KCNH1: variants seen among roughly 807,000 people sequenced by gnomAD.
KCNH1 encodes voltage-gated delayed rectifier potassium channel KCNH1.
KCNH1 carries 27 observed loss-of-function variants against 69.2 expected under a neutral mutation model. The observed-to-expected ratio is 0.39, with a 90% CI of 0.29 to 0.54. KCNH1 has a LOEUF of 0.54. Ranked by LOEUF, KCNH1 falls within the 20% of genes least tolerant of loss-of-function variation. The pLI, the probability that KCNH1 is intolerant of heterozygous loss-of-function variation, is 0.68. For synonymous variants in KCNH1, 456 were observed against 487.7 expected (o/e 0.93, Z 0.86); for missense variants, 798 against 1,261.6 (o/e 0.63, Z 5.57).
chr1:210,688,614 C>A (rs964450866), intron 10 of KCNH1, among the ~76,000 whole-genome samples: 1 of 152,246 alleles, frequency 6.6e-6, no homozygotes, highest in African/African-American at 2.4e-5. Context: ...CCATTTTTCA[C>A]TCATCCTCAT....
intron 7 of KCNH1, among the ~76,000 whole-genome samples, chr1:210,883,746 T>C (rs935912083): frequency 6.6e-6 from 1 of 152,248 alleles, no homozygotes; most frequent in Non-Finnish European, 1.5e-5. Context: ...TGGTATTGTC[T>C]TGGACAGCCC....
chr1:210,697,784 A>G (rs35288293), intron 10 of KCNH1, among the ~76,000 whole-genome samples: 13,898 of 152,278 alleles, frequency 0.091, 790 homozygotes, highest in African/African-American at 0.14. Context: ...TGCCAAGGGC[A>G]ATATTTCCAA....
chr1:210,898,300 G>C (rs17017025), intron 7 of KCNH1, among the ~76,000 whole-genome samples: 9,822 of 151,974 alleles, frequency 0.065, 603 homozygotes, highest in African/African-American at 0.15. Context: ...GATCTGTCAA[G>C]GGCAAAAAAA....
chr1:211,100,840 G>C (rs1691244513), intron 3 of KCNH1, among the ~76,000 whole-genome samples: 1 of 152,174 alleles, frequency 6.6e-6, no homozygotes, highest in Non-Finnish European at 1.5e-5. Flanking sequence ...AGCAGCATCA[G>C]CATCACCTGG....
At chr1:211,097,384 C>A (rs1383078259) in intron 3 of KCNH1, among the ~76,000 whole-genome samples, 2 of 151,954 alleles carry the variant, frequency 1.3e-5, no homozygotes, top group African/African-American at 4.8e-5. Flanking sequence ...ATATAAAACT[C>A]AGAACCATAA....
intron 6 of KCNH1, among the ~76,000 whole-genome samples, chr1:211,011,441 T>C (rs1689392246): frequency 6.6e-6 from 1 of 152,340 alleles, no homozygotes. Flanking sequence ...TAAACATATG[T>C]GTGCCTGTGT....
chr1:211,113,046 C>T (rs1341868311), intron 1 of KCNH1, among the ~76,000 whole-genome samples: 1 of 152,146 alleles, frequency 6.6e-6, no homozygotes, highest in African/African-American at 2.4e-5. Flanking sequence ...TTGATAATTA[C>T]TCTTTACCAG....
At chr1:210,953,869 T>C (rs984027245) in intron 6 of KCNH1, among the ~76,000 whole-genome samples, 2 of 152,156 alleles carry the variant, frequency 1.3e-5, no homozygotes, top group Non-Finnish European at 1.5e-5. Context: ...TCCTTATTCT[T>C]TCCTTTGCCT....
At chr1:210,947,292 A>T (rs1026442771) in intron 6 of KCNH1, among the ~76,000 whole-genome samples, 4 of 152,158 alleles carry the variant, frequency 2.6e-5, no homozygotes, top group African/African-American at 9.7e-5. Flanking sequence ...ATTCTTGGCC[A>T]GGCGCGGTGG....
chr1:210,765,968 C>T (rs1683622174), intron 10 of KCNH1, among the ~76,000 whole-genome samples: 1 of 152,046 alleles, frequency 6.6e-6, no homozygotes, highest in Non-Finnish European at 1.5e-5. Context: ...GAGGCTGAGG[C>T]AGGAGAATTG....
At chr1:210,801,433 G>A (rs555619518) in intron 8 of KCNH1, among the ~76,000 whole-genome samples, 1 of 152,280 alleles carries the variant, frequency 6.6e-6, no homozygotes, top group African/African-American at 2.4e-5. Flanking sequence ...AGCCCGCTCT[G>A]GGCTCCAGAG....
At chr1:210,795,135 G>A (rs570364460) in intron 9 of KCNH1, among the ~76,000 whole-genome samples, 4 of 151,824 alleles carry the variant, frequency 2.6e-5, no homozygotes, top group African/African-American at 9.7e-5. Context: ...TTTTGTTGTT[G>A]TTGTTGTTGT....
At chr1:210,937,157 T>G (rs1198215549) in intron 6 of KCNH1, among the ~76,000 whole-genome samples, 1 of 152,192 alleles carries the variant, frequency 6.6e-6, no homozygotes, top group Admixed American at 6.5e-5. Context: ...CAATTTCTCA[T>G]TTCCCACTCA....
chr1:210,683,343 A>T lies in KCNH1; in HGVS notation c.2908T>A (p.Leu970Met). The change falls in exon 11 of 11, where the codon TTG becomes ATG. Residue 970 changes from leucine to methionine, a missense_variant. Physicochemically the swap from Leu to Met is conservative, Grantham distance 15. Transcript: ENST00000271751. This position sits in a 1 kb window ranked among gnomAD's most constrained non-coding sequence, Gnocchi z 5.7. Reference sequence around the variant, plus strand: ...GACTGTGGCCTCGATATTTCAAACAACTCCTGAGGAGACTGAGAGGATCTT... The same window carrying T: ...GACTGTGGCCTCGATATTTCAAACATCTCCTGAGGAGACTGAGAGGATCTT... ...SRRSSQSPQELFEISRPQSPE... is the reference protein window; with the variant it reads ...SRRSSQSPQEMFEISRPQSPE... The T allele has an allele frequency of 6.2e-7, 1 of 1,613,426 alleles. No individual in the cohort carries two copies. Among genetic ancestry groups the T allele is most frequent in the Non-Finnish European group, 8.5e-7 (1 of 1,179,814 alleles).
intron 5 of KCNH1, among the ~76,000 whole-genome samples, chr1:211,032,541 A>ACTGGTACCAAAACAGCG (rs1689808443): frequency 6.6e-6 from 1 of 152,066 alleles, no homozygotes; most frequent in African/African-American, 2.4e-5. Context: ...CCAAAACAGC[A>ACTGGTACCAAAACAGCG]TGGTACTGGT....
chr1:210,683,994 C>T lies in KCNH1; in HGVS notation c.2257G>A (p.Ala753Thr). ...AGGTCCCGGCCCCCTCTCTCAGCTG[C>T]CAGCCTGGCCTCTTTCTGCTGTCGG... ...RFRQQKEARL[A>T]AERGGRDLDD... The change falls in exon 11 of 11, where the codon GCA (alanine) becomes ACA (threonine). Residue 753 changes from alanine (A) to threonine (T), a missense_variant. Transcript: ENST00000271751. The surrounding 1 kb of genome is among the most constrained non-coding windows in gnomAD (Gnocchi z 5.7). The T allele has an allele frequency of 6.3e-7, 1 of 1,598,224 alleles. No homozygotes were observed. Among genetic ancestry groups the T allele is most frequent in the Non-Finnish European group, 8.6e-7 (1 of 1,168,376 alleles).
At chr1:210,771,428 T>C (rs1443382774) in intron 10 of KCNH1, among the ~76,000 whole-genome samples, 1 of 152,154 alleles carries the variant, frequency 6.6e-6, no homozygotes, top group African/African-American at 2.4e-5. Flanking sequence ...AGGCCAGCAA[T>C]GGATTCCACT....
chr1:211,068,321 C>T (rs749529844), intron 5 of KCNH1, among the ~76,000 whole-genome samples: 3 of 152,202 alleles, frequency 2.0e-5, no homozygotes, highest in African/African-American at 2.4e-5. Flanking sequence ...ATTTCCAATA[C>T]GTCATGTAAA....
chr1:211,039,776 C>G (rs1225351914), intron 5 of KCNH1, among the ~76,000 whole-genome samples: 3 of 152,162 alleles, frequency 2.0e-5, no homozygotes, highest in African/African-American at 7.2e-5. Flanking sequence ...ACCTGTACCC[C>G]CACTGTGTCT....
Sources: allele counts gnomAD v4.1 joint callset (sites outside exome capture counted in the v4.1 genomes callset), GRCh38; gene constraint gnomAD v4.1.1; non-coding constraint Gnocchi (gnomAD v3.1); transcripts MANE v1.5; gene names NCBI Gene and HGNC (gene_info 2026-07-23, HGNC 2026-07-21).